DNAH7: variants seen among roughly 807,000 people sequenced by gnomAD.
The protein encoded by DNAH7 is axonemal beta dynein heavy chain 7.
A neutral mutation model predicts 444.6 loss-of-function variants in DNAH7; 397 were observed. That is an observed-to-expected ratio of 0.89 (90% CI 0.82 to 0.97). DNAH7 has a LOEUF of 0.97. DNAH7 is among the 50% of genes least tolerant of loss of function. The pLI is 0.00. For synonymous variants in DNAH7, 1,636 were observed against 1,624.4 expected, an observed-to-expected ratio of 1.01 and a Z score of -0.17; for missense variants, 4,902 against 4,800.8, an observed-to-expected ratio of 1.02 and a Z score of -0.62.
At chr2:195,932,415 T>C (rs996588692) in intron 21 of DNAH7, among the ~76,000 whole-genome samples, 3 of 152,016 alleles carry the variant, frequency 2.0e-5, no homozygotes, top group Admixed American at 2.0e-4. Flanking sequence ...TTTATGTCCT[T>C]ATGCCTGATT....
intron 63 of DNAH7, among the ~76,000 whole-genome samples, chr2:195,751,238 T>C (rs924784421): frequency 4.6e-5 from 7 of 152,220 alleles, no homozygotes; most frequent in African/African-American, 1.7e-4. Flanking sequence ...TTCTAAGATA[T>C]CATATGTCCC....
intron 55 of DNAH7, 89 bp downstream of exon 55, chr2:195,799,207 C>T: frequency 8.5e-7 from 1 of 1,170,832 alleles, no homozygotes; most frequent in Non-Finnish European, 1.1e-6. Flanking sequence ...TGACAAATTT[C>T]TACCTTTCCC....
At chr2:195,937,106 T>G (rs949536803) in intron 19 of DNAH7, among the ~76,000 whole-genome samples, 3 of 152,104 alleles carry the variant, frequency 2.0e-5, no homozygotes, top group African/African-American at 7.2e-5. Context: ...GGAAACAAAC[T>G]GGTATGAGAT....
intron 25 of DNAH7, among the ~76,000 whole-genome samples, chr2:195,909,006 A>C (rs1362240636): frequency 6.6e-6 from 1 of 152,118 alleles, no homozygotes; most frequent in African/African-American, 2.4e-5. Flanking sequence ...AAACGTAAAC[A>C]TTCTAGAATT....
rs553227676 is a variant in DNAH7 at position 195,887,313 on chromosome 2, C to A, written c.5406+945G>T. On this transcript the variant is annotated intron_variant, in intron 33 of 64. Transcript: ENST00000312428. ...AACTTATTTTATTATGACTTCAGTTCATATATGTTAACTGTTTTTGAAACA... is the reference window on the plus strand; with the variant it reads ...AACTTATTTTATTATGACTTCAGTTAATATATGTTAACTGTTTTTGAAACA... Among the ~76,000 whole-genome samples the A allele has an allele frequency of 2.0e-4, 30 of 152,154 alleles. 1 individual carries two copies. In the South Asian group the frequency reaches 6.2e-3, roughly 32 times the overall value.
chr2:195,994,525 T>TA, intron 12 of DNAH7: 1 of 489,770 alleles, frequency 2.0e-6, no homozygotes, highest in South Asian at 1.8e-5. Flanking sequence ...GAATTGGGTT[T>TA]AGAGATATTC....
chr2:195,867,937 A>G (rs1312371073), intron 40 of DNAH7, among the ~76,000 whole-genome samples: 1 of 152,096 alleles, frequency 6.6e-6, no homozygotes, highest in African/African-American at 2.4e-5. Flanking sequence ...TTCTGGGTCC[A>G]CAGTTAGGAG....
At chr2:195,932,994 G>T (rs1688802796) in intron 21 of DNAH7, among the ~76,000 whole-genome samples, 1 of 152,154 alleles carries the variant, frequency 6.6e-6, no homozygotes, top group Non-Finnish European at 1.5e-5. Context: ...AGAAGGAATG[G>T]TACCAGCTCC....
intron 64 of DNAH7, among the ~76,000 whole-genome samples, chr2:195,739,735 A>C (rs1442558751): frequency 6.6e-6 from 1 of 152,178 alleles, no homozygotes; most frequent in Non-Finnish European, 1.5e-5. Context: ...TTCTAATCCT[A>C]AAATCAATTG....
rs1423114242 is a variant in DNAH7, at chr2:195,777,684, A to C, written c.11064+116T>G. On this transcript the variant is annotated intron_variant, in intron 59 of 64. Coordinates refer to ENST00000312428, the MANE Select transcript of DNAH7 (RefSeq NM_018897.3). The stretch of plus-strand genomic sequence containing the variant: ...ATCCCTATATGACTGAAGAAAGCAC[A>C]GACAAGGGTAACAAAAAAACAAGGC... The C allele has an allele frequency of 2.9e-6, 3 of 1,050,108 alleles. No individual in the cohort carries two copies. The Admixed American group carries it at 7.5e-5, about 26-fold the overall frequency. The allele number at this position is 1,050,108 out of a possible 1,614,324, so 65.0% of individuals were successfully genotyped here.
intron 35 of DNAH7, among the ~76,000 whole-genome samples, chr2:195,882,738 T>C (rs933406778): frequency 6.6e-6 from 1 of 152,198 alleles, no homozygotes; most frequent in African/African-American, 2.4e-5. Context: ...ACCACCCTTC[T>C]TGCAGAATAA....
intron 3 of DNAH7, among the ~76,000 whole-genome samples, chr2:196,048,616 G>C (rs139811263): frequency 6.6e-6 from 1 of 152,288 alleles, no homozygotes; most frequent in East Asian, 1.9e-4. Context: ...CTGTTGGTTG[G>C]ATGTGAATGC....
intron 58 of DNAH7, among the ~76,000 whole-genome samples, chr2:195,778,984 C>T (rs1254952114): frequency 6.6e-6 from 1 of 151,740 alleles, no homozygotes; most frequent in East Asian, 1.9e-4. Context: ...GCTGGGACTA[C>T]AGGCATGTGC....
rs59046004 is a variant in DNAH7 at position 195,792,394 on chromosome 2, TACACACAC to T, written c.10716+1936_10716+1943del. 8.5e-3 allele frequency among the ~76,000 whole-genome samples: 993 copies of T among 117,330 alleles called. 11 individuals are homozygous for T. Among genetic ancestry groups the T allele is most frequent in the African/African-American group, 0.021 (652 of 30,882 alleles). The allele number at this position is 117,330 out of a possible 152,430, so 77.0% of individuals were successfully genotyped here. On this transcript the variant is annotated intron_variant, in intron 57 of 64. Transcript: ENST00000312428. ...TTGAAAGTACAAAAAAACCAAAAAA[TACACACAC>T]ACACACACACACACACACACACACA...
At chr2:195,943,085 C>T (rs1689568443) in intron 19 of DNAH7, among the ~76,000 whole-genome samples, 1 of 152,130 alleles carries the variant, frequency 6.6e-6, no homozygotes, top group Non-Finnish European at 1.5e-5. Flanking sequence ...TGCTCTCTTG[C>T]TTGCCACCAT....
chr2:195,870,505 A>G (rs1409065455), intron 40 of DNAH7, among the ~76,000 whole-genome samples: 2 of 152,234 alleles, frequency 1.3e-5, no homozygotes, highest in East Asian at 1.9e-4. Context: ...AGATTCACCC[A>G]TGACAAAATG....
At position 195,816,557 on chromosome 2, in the gene DNAH7, T is replaced by C. The variant is rs969292063; in HGVS notation, c.9761+71A>G. On this transcript the variant is annotated intron_variant, in intron 51 of 64. Transcript: ENST00000312428. Reference sequence around the variant, plus strand: ...TGCTTGTACCACTCTGAGACAACAATAGAGGTCACAAATTACTCTCTGATT... The same window carrying C: ...TGCTTGTACCACTCTGAGACAACAACAGAGGTCACAAATTACTCTCTGATT... 28 of 1,146,786 alleles carry C rather than the reference T, an allele frequency of 2.4e-5. No individual in the cohort carries two copies. The South Asian group carries it at 2.9e-4, about 12-fold the overall frequency. The allele number at this position is 1,146,786 out of a possible 1,614,324, so 71.0% of individuals were successfully genotyped here.
chr2:195,991,752 T>C (rs1268230602), intron 12 of DNAH7, among the ~76,000 whole-genome samples: 1 of 152,198 alleles, frequency 6.6e-6, no homozygotes, highest in African/African-American at 2.4e-5. Flanking sequence ...AGCCATACAA[T>C]ATGTGAGCTT....
intron 36 of DNAH7, among the ~76,000 whole-genome samples, chr2:195,878,539 G>T (rs549974265): frequency 2.0e-5 from 3 of 152,120 alleles, no homozygotes; most frequent in Non-Finnish European, 4.4e-5. Context: ...GGTCAAGGCT[G>T]CAGTGAGCTG....
Sources: allele counts gnomAD v4.1 joint callset (sites outside exome capture counted in the v4.1 genomes callset), GRCh38; gene constraint gnomAD v4.1.1; transcripts MANE v1.5; gene names NCBI Gene and HGNC (gene_info 2026-07-23, HGNC 2026-07-21).